The following RAB3GAP1 variants were observed in gnomAD, a reference collection of about 807,000 sequenced individuals.
RAB3GAP1 encodes the protein RAB3 GTPase activating protein catalytic subunit 1.
RAB3GAP1 carries 86 observed loss-of-function variants against 130.7 expected under a neutral mutation model. The ratio of observed to expected loss-of-function variants is 0.66; its 90% CI spans 0.55 to 0.79. The LOEUF is 0.79. RAB3GAP1 is among the 30% of genes least tolerant of loss of function. The pLI, the probability that RAB3GAP1 is intolerant of heterozygous loss-of-function variation, is 0.00. For missense variants in RAB3GAP1, 1,029 were observed against 1,169.4 expected, an observed-to-expected ratio of 0.88 and a Z score of 1.75; for synonymous variants, 367 against 401.7, an observed-to-expected ratio of 0.91 and a Z score of 1.03.
chr2:135,167,790 A>T, intron 23 of RAB3GAP1: 1 of 1,230,856 alleles, frequency 8.1e-7, no homozygotes, highest in African/African-American at 1.5e-5. Flanking sequence ...ATTAACACTA[A>T]CCACCTCTCT....
intron 17 of RAB3GAP1, chr2:135,136,579 T>C: frequency 2.7e-6 from 1 of 367,882 alleles, no homozygotes; most frequent in Non-Finnish European, 4.7e-6. Context: ...ATAAGGTGAT[T>C]TATAAACTGA....
chr2:135,164,066 A>G (rs1692551122), intron 22 of RAB3GAP1, among the ~76,000 whole-genome samples: 1 of 152,238 alleles, frequency 6.6e-6, no homozygotes, highest in Non-Finnish European at 1.5e-5. Context: ...GTTCCACCAT[A>G]CGTTATCTGT....
intron 3 of RAB3GAP1, among the ~76,000 whole-genome samples, chr2:135,070,238 A>C (rs1272095282): frequency 6.6e-6 from 1 of 152,242 alleles, no homozygotes; most frequent in Non-Finnish European, 1.5e-5. Flanking sequence ...GGCAACTTGG[A>C]AATGTGTCCC....
At chr2:135,154,015 A>G (rs960756059) in intron 19 of RAB3GAP1, 139 bp downstream of exon 19, 3 of 800,340 alleles carry the variant, frequency 3.7e-6, no homozygotes, top group Middle Eastern at 2.8e-4. Flanking sequence ...TTATATATCT[A>G]CTATTCACAT....
intron 5 of RAB3GAP1, among the ~76,000 whole-genome samples, chr2:135,097,237 A>G (rs1303544560): frequency 2.0e-5 from 3 of 148,214 alleles, no homozygotes; most frequent in Non-Finnish European, 3.0e-5. Context: ...TTTTTTAAAG[A>G]GACAGGTCTT....
intron 5 of RAB3GAP1, among the ~76,000 whole-genome samples, chr2:135,109,932 A>G (rs548753188): frequency 1.4e-3 from 206 of 151,768 alleles, no homozygotes; most frequent in Admixed American, 3.4e-3. Flanking sequence ...TGCCCATTTT[A>G]AAATCTGGTT....
At chr2:135,117,468 G>GCTTCTTCTTCTTCTTCTTCTT (rs1558784128) in intron 7 of RAB3GAP1, among the ~76,000 whole-genome samples, 2 of 30,718 alleles carry the variant, frequency 6.5e-5, no homozygotes, top group Non-Finnish European at 1.6e-4. Context: ...TTCTGCTTCT[G>GCTTCTTCTTCTTCTTCTTCTT]CTTCTGCTTC....
At chr2:135,078,274 A>G (rs1689685571) in intron 3 of RAB3GAP1, among the ~76,000 whole-genome samples, 1 of 152,138 alleles carries the variant, frequency 6.6e-6, no homozygotes, top group Non-Finnish European at 1.5e-5. Flanking sequence ...TAGATTTCAT[A>G]CTGTATGTAG....
chr2:135,166,950 G>A (rs905125641), intron 23 of RAB3GAP1, among the ~76,000 whole-genome samples: 2 of 152,162 alleles, frequency 1.3e-5, no homozygotes, highest in Non-Finnish European at 1.5e-5. Context: ...TTCAGACCTT[G>A]TAGTGAATGT....
chr2:135,057,518 C>T (rs1010018643), intron 2 of RAB3GAP1, among the ~76,000 whole-genome samples: 6 of 152,294 alleles, frequency 3.9e-5, no homozygotes, highest in Non-Finnish European at 7.4e-5. Flanking sequence ...CCTCAGCCTC[C>T]TGCGTAGCTG....
At chr2:135,069,740 G>A (rs1689416900) in intron 3 of RAB3GAP1, among the ~76,000 whole-genome samples, 1 of 152,080 alleles carries the variant, frequency 6.6e-6, no homozygotes, top group African/African-American at 2.4e-5. Context: ...CTACTGTGCA[G>A]TAGGAATTAT....
chr2:135,055,287 T>TA (rs1374927629), intron 2 of RAB3GAP1, among the ~76,000 whole-genome samples: 1 of 152,144 alleles, frequency 6.6e-6, no homozygotes, highest in Non-Finnish European at 1.5e-5. Flanking sequence ...AGGAAAAAAT[T>TA]ACTTAGTTTT....
chr2:135,115,129 A>G, intron 6 of RAB3GAP1, 87 bp from the exon 7 acceptor site: 2 of 1,287,522 alleles, frequency 1.6e-6, no homozygotes, highest in Non-Finnish European at 2.2e-6. Context: ...CAAATTCTTG[A>G]GATTAAAATA....
intron 17 of RAB3GAP1, among the ~76,000 whole-genome samples, chr2:135,142,581 T>C (rs1691872202): frequency 6.6e-6 from 1 of 152,170 alleles, no homozygotes. Flanking sequence ...ATTATTCTCT[T>C]GTTCCCAACC....
chr2:135,080,918 GC>G (rs915162662), intron 3 of RAB3GAP1, among the ~76,000 whole-genome samples: 1 of 152,142 alleles, frequency 6.6e-6, no homozygotes, highest in African/African-American at 2.4e-5. Context: ...CTGAAGGCCA[GC>G]CAGGCCACCT....
At chr2:135,122,159 A>G (rs1344937708) in intron 8 of RAB3GAP1, among the ~76,000 whole-genome samples, 6 of 152,168 alleles carry the variant, frequency 3.9e-5, no homozygotes, top group African/African-American at 1.2e-4. Context: ...TACTACTACT[A>G]TTTTATTTTA....
At chr2:135,054,336 TAG>T (rs940436223) in intron 2 of RAB3GAP1, among the ~76,000 whole-genome samples, 8 of 152,182 alleles carry the variant, frequency 5.3e-5, no homozygotes, top group Non-Finnish European at 1.0e-4. Flanking sequence ...CCCTTCGTTT[TAG>T]AGTGGCCAGG....
intron 5 of RAB3GAP1, among the ~76,000 whole-genome samples, chr2:135,109,297 A>T (rs1053406463): frequency 6.6e-6 from 1 of 152,038 alleles, no homozygotes; most frequent in African/African-American, 2.4e-5. Context: ...TTATCTTCCT[A>T]TCCATGAATA....
intron 11 of RAB3GAP1, among the ~76,000 whole-genome samples, chr2:135,127,551 C>G (rs1691391674): frequency 1.3e-5 from 2 of 151,884 alleles, no homozygotes; most frequent in South Asian, 4.2e-4. Context: ...ACCGTGTTAG[C>G]CAGGATGGTC....
Sources: gnomAD v4.1 joint callset for allele counts (sites outside exome capture counted in the v4.1 genomes callset) on GRCh38, gnomAD v4.1.1 for gene constraint, MANE v1.5 for transcripts, NCBI Gene and HGNC (gene_info 2026-07-23, HGNC 2026-07-21) for gene names.